The following CRISPLD2 variants were observed in gnomAD, a reference collection of about 807,000 sequenced individuals.
CRISPLD2 encodes the protein cysteine-rich secretory protein LCCL domain-containing 2.
Under a neutral mutation model 71.1 loss-of-function variants are expected in CRISPLD2, and 47 were observed. That is an observed-to-expected ratio of 0.66 (90% confidence interval 0.52 to 0.84). The LOEUF is 0.84. CRISPLD2 is among the 40% of genes least tolerant of loss of function. CRISPLD2 has a pLI of 0.00. For synonymous variants in CRISPLD2, 317 were observed against 250.1 expected, an observed-to-expected ratio of 1.27 and a Z score of -2.52; for missense variants, 830 against 651.1, an observed-to-expected ratio of 1.27 and a Z score of -2.99.
chr16:84,862,602 G>T (rs575094599), intron 6 of CRISPLD2, among the ~76,000 whole-genome samples: 1 of 150,946 alleles, frequency 6.6e-6, no homozygotes, highest in African/African-American at 2.4e-5. Context: ...ATTTCCTCAG[G>T]CTTTCAGAAG....
chr16:84,877,377 TG>T, intron 11 of CRISPLD2, 60 bp from the exon 12 acceptor site: 1 of 1,512,098 alleles, frequency 6.6e-7, no homozygotes, highest in Non-Finnish European at 9.2e-7. Context: ...TTGCACAGCC[TG>T]GTAGCCTGAG....
At chr16:84,846,649 C>G (rs953703454) in intron 3 of CRISPLD2, among the ~76,000 whole-genome samples, 1 of 152,166 alleles carries the variant, frequency 6.6e-6, no homozygotes, top group Admixed American at 6.6e-5. Flanking sequence ...TCATTTCTGT[C>G]TGGTTCTGCT....
chr16:84,859,202 A>G (rs1039292042), intron 6 of CRISPLD2, among the ~76,000 whole-genome samples: 7 of 152,270 alleles, frequency 4.6e-5, no homozygotes, highest in African/African-American at 1.4e-4. Flanking sequence ...AAGTATGTCT[A>G]TGCCAATTAT....
At chr16:84,880,781 C>G (rs991851745) in intron 13 of CRISPLD2, 197 bp downstream of exon 13, 20 of 440,982 alleles carry the variant, frequency 4.5e-5, no homozygotes, top group South Asian at 4.4e-4. Context: ...TCTTGGCCCA[C>G]TGTAACCTCT....
Position 84,855,162 on chromosome 16 carries a change from C to T in CRISPLD2, c.709+333C>T, listed in dbSNP as rs1597460634. ...CATTCACAGTTTCATATAAAATAGGCCACGGGCTGGACATCGTGGCTCACA... is the reference window on the plus strand; with the variant it reads ...CATTCACAGTTTCATATAAAATAGGTCACGGGCTGGACATCGTGGCTCACA... On this transcript the variant is annotated intron_variant, in intron 6 of 14. Transcript: ENST00000262424. Among the ~76,000 whole-genome samples, 5 of 152,256 alleles carry T rather than the reference C, an allele frequency of 3.3e-5. No homozygotes were observed. In the South Asian group the frequency reaches 1.0e-3, roughly 32 times the overall value.
chr16:84,825,106 C>A (rs544728787), intron 1 of CRISPLD2, among the ~76,000 whole-genome samples: 160 of 151,954 alleles, frequency 1.1e-3, no homozygotes, highest in African/African-American at 3.7e-3. Flanking sequence ...GATGCCATTT[C>A]AAAACAAAAA....
chr16:84,886,046 A>T lies in CRISPLD2; in HGVS notation c.1306-3184A>T, dbSNP rs548825118. Among the ~76,000 whole-genome samples, 7 of 152,078 alleles carry T rather than the reference A, an allele frequency of 4.6e-5. No individual in the cohort carries two copies. In the South Asian group the frequency reaches 1.5e-3, roughly 32 times the overall value. ...ATGTTGCCCAGGCTCATCTTGATCC[A>T]TGCCCAGCTAATTTTCTATTTTTAG... On this transcript the variant is annotated intron_variant, in intron 13 of 14. Coordinates refer to ENST00000262424, the MANE Select transcript of CRISPLD2 (RefSeq NM_031476.4).
At chr16:84,862,538 T>C (rs1040683817) in intron 6 of CRISPLD2, among the ~76,000 whole-genome samples, 1 of 152,130 alleles carries the variant, frequency 6.6e-6, no homozygotes, top group African/African-American at 2.4e-5. Context: ...CCACTTCTGC[T>C]ACTATAAATA....
chr16:84,837,270 G>A (rs1355852119), intron 1 of CRISPLD2, among the ~76,000 whole-genome samples: 1 of 152,198 alleles, frequency 6.6e-6, no homozygotes, highest in African/African-American at 2.4e-5. Flanking sequence ...TGGAGGGGAG[G>A]TAGTTGGCCC....
At chr16:84,893,056 A>C (rs922178133) in intron 14 of CRISPLD2, among the ~76,000 whole-genome samples, 1 of 151,140 alleles carries the variant, frequency 6.6e-6, no homozygotes, top group Non-Finnish European at 1.5e-5. Flanking sequence ...GGCACAGATG[A>C]TTGAGCCCTA....
At chr16:84,874,697 T>C (rs1432371409) in intron 11 of CRISPLD2, among the ~76,000 whole-genome samples, 1 of 152,052 alleles carries the variant, frequency 6.6e-6, no homozygotes, top group African/African-American at 2.4e-5. Context: ...AAATATGTAG[T>C]AGTTTTTTTT....
In CRISPLD2 at chr16:84,880,579, G is replaced by A. The variant is rs776813816; in HGVS notation, c.1300G>A (p.Ala434Thr). 6 of 1,612,624 alleles carry A rather than the reference G, an allele frequency of 3.7e-6. No individual in the cohort carries two copies. Among genetic ancestry groups the A allele is most frequent in the South Asian group, 1.1e-5 (1 of 91,006 alleles). Residue 434 changes from alanine (A) to threonine (T), a missense_variant, in exon 13 of 15, where the codon GCA (alanine) becomes ACA (threonine). Coordinates refer to ENST00000262424, the MANE Select transcript of CRISPLD2 (RefSeq NM_031476.4). ...WAPVFGTNIY[A>T]DTSSICKTAV... The stretch of plus-strand genomic sequence containing the variant: ...TCCGGTGTTTGGAACCAACATCTAT[G>A]CAGATGTGAGTAGGATGCATTTTCA...
intron 5 of CRISPLD2, among the ~76,000 whole-genome samples, chr16:84,851,786 C>T (rs1372096975): frequency 6.6e-6 from 1 of 152,192 alleles, no homozygotes; most frequent in Non-Finnish European, 1.5e-5. Context: ...AAAAAATAGA[C>T]ACTAGAAGGT....
chr16:84,886,352 A>G (rs774206), intron 13 of CRISPLD2, among the ~76,000 whole-genome samples: 59,459 of 152,048 alleles, frequency 0.39, 12,311 homozygotes, highest in East Asian at 0.66. Flanking sequence ...GGCTTTAGCA[A>G]TGCTTCCGGG....
At chr16:84,846,158 C>G (rs900642815) in intron 3 of CRISPLD2, 29 of 348,736 alleles carry the variant, frequency 8.3e-5, no homozygotes, top group African/African-American at 7.0e-4. Flanking sequence ...TTCCTTCTTC[C>G]TTTCCTTCTT....
At chr16:84,822,585 T>G (rs1450931906) in intron 1 of CRISPLD2, among the ~76,000 whole-genome samples, 1 of 152,224 alleles carries the variant, frequency 6.6e-6, no homozygotes, top group African/African-American at 2.4e-5. Flanking sequence ...ACGCACTGGT[T>G]TTTGATCAGT....
chr16:84,860,427 C>T (rs1468540307), intron 6 of CRISPLD2, among the ~76,000 whole-genome samples: 1 of 152,178 alleles, frequency 6.6e-6, no homozygotes, highest in African/African-American at 2.4e-5. Flanking sequence ...AACCTCACCT[C>T]TAGCAGCCCG....
intron 13 of CRISPLD2, among the ~76,000 whole-genome samples, chr16:84,887,438 C>A (rs1340450832): frequency 6.6e-6 from 1 of 152,222 alleles, no homozygotes; most frequent in Non-Finnish European, 1.5e-5. Context: ...CGTCTTCGTG[C>A]CCTGTAGACA....
At chr16:84,901,991 G>A (rs1001468874) in intron 14 of CRISPLD2, among the ~76,000 whole-genome samples, 1 of 151,020 alleles carries the variant, frequency 6.6e-6, no homozygotes, top group African/African-American at 2.4e-5. Context: ...GTAGCGATGG[G>A]GTTTCACCAT....
Sources: gnomAD v4.1 joint callset for allele counts (sites outside exome capture counted in the v4.1 genomes callset) on GRCh38, gnomAD v4.1.1 for gene constraint, MANE v1.5 for transcripts, NCBI Gene and HGNC (gene_info 2026-07-23, HGNC 2026-07-21) for gene names.